GON4L: variants seen among roughly 807,000 people sequenced by gnomAD.
The protein encoded by GON4L is GON-4-like protein.
GON4L carries 87 observed loss-of-function variants against 211.8 expected under a neutral mutation model. The ratio of observed to expected loss-of-function variants is 0.41; its 90% confidence interval spans 0.35 to 0.49. The LOEUF (loss-of-function observed/expected upper bound fraction) is 0.49. GON4L is among the 20% of genes least tolerant of loss of function. The probability of loss-of-function intolerance (pLI) is 0.15; values close to 1 mark genes in which losing one functional copy is unlikely to be tolerated. For synonymous variants in GON4L, 875 were observed against 962.6 expected, an observed-to-expected ratio of 0.91 and a Z score of 1.68; for missense variants, 2,155 against 2,659.5, an observed-to-expected ratio of 0.81 and a Z score of 4.17.
chr1:155,831,154 C>A (rs866543291), intron 2 of GON4L, among the ~76,000 whole-genome samples: 1 of 151,986 alleles, frequency 6.6e-6, no homozygotes, highest in Non-Finnish European at 1.5e-5. Context: ...CAAAAATTAG[C>A]CAGGCATGGT....
downstream of GON4L, chr1:155,746,969 A>C (rs746911433): frequency 4.7e-5 from 75 of 1,600,596 alleles, 2 homozygotes; most frequent in Middle Eastern, 1.6e-4. Context: ...TAAATGTCTT[A>C]GAATGATATT....
In GON4L at chr1:155,750,280, T is replaced by C. The variant is rs1660438707; in HGVS notation, c.*304A>G. ...TTTTTACATTTAGAAACACTGTGAT[T>C]AGACCACAGAACAATAAATATGTGC... On this transcript the variant is annotated 3_prime_UTR_variant, in exon 32 of 32. Transcript: ENST00000368331. 1.7e-6 allele frequency: 1 copy of C among 585,734 alleles called. No homozygotes were observed. Among genetic ancestry groups the C allele is most frequent in the Admixed American group, 3.0e-5 (1 of 33,336 alleles). 36.3% of individuals were successfully genotyped at this position (585,734 alleles called of 1,614,324 possible).
chr1:155,827,077 A>T, intron 2 of GON4L, 49 bp from the exon 3 acceptor site: 2 of 1,340,342 alleles, frequency 1.5e-6, no homozygotes, highest in Non-Finnish European at 2.2e-6. Context: ...TCTCAGTCAT[A>T]CTCTGTTGTA....
At chr1:155,842,983 C>T (rs547175214) in intron 2 of GON4L, among the ~76,000 whole-genome samples, 4 of 152,252 alleles carry the variant, frequency 2.6e-5, no homozygotes, top group Admixed American at 6.5e-5. Flanking sequence ...ACACCTGTCC[C>T]GGATTAAACA....
At chr1:155,832,843 G>A (rs1395037771) in intron 2 of GON4L, 1 of 151,642 alleles carries the variant, frequency 6.6e-6, no homozygotes, top group Non-Finnish European at 1.5e-5. Context: ...AAACAGCAGG[G>A]CTACGGGTGA....
Position 155,853,332 on chromosome 1 carries a change from A to C in GON4L, c.449T>G (p.Leu150Arg). The C allele has an allele frequency of 6.2e-7, 1 of 1,614,090 alleles. No individual in the cohort carries two copies. The highest frequency in any genetic ancestry group is 1.1e-5 in the South Asian group (1 of 91,086). The change falls in exon 2 of 32, where the codon CTT becomes CGT. Residue 150 changes from leucine to arginine, a missense_variant. Physicochemically the swap from Leu to Arg is moderately radical, Grantham distance 102. This residue lies in a region of GON4L where 313 missense variants were observed against 293.2 expected (regional missense o/e 1.07). Coordinates refer to ENST00000368331, the MANE Select transcript of GON4L (RefSeq NM_001282860.2). ...PVTQEDRCDH[L>R]TLKEPFSGEP... The stretch of plus-strand genomic sequence containing the variant: ...TCCTGAAAAAGGCTCCTTTAGGGTA[A>C]GATGATCACATCTGTCTTCTTGGGT...
At chr1:155,747,857 A>T (rs1324640274), downstream of GON4L, 3 of 1,593,782 alleles carry the variant, frequency 1.9e-6, no homozygotes, top group South Asian at 2.3e-5. Context: ...GGCGGGGAAT[A>T]ATAACTTGGG....
At chr1:155,816,982 A>G (rs1186584487) in intron 6 of GON4L, among the ~76,000 whole-genome samples, 1 of 152,048 alleles carries the variant, frequency 6.6e-6, no homozygotes, top group African/African-American at 2.4e-5. Context: ...GCTAGGGGGA[A>G]AGTTTTTCTT....
Position 155,816,099 on chromosome 1 carries a change from A to C in GON4L, c.1065+113T>G, listed in dbSNP as rs1477420656. ...AAGAGTAATAGAATGGAAAAAAACA[A>C]AGCTGGAATTAAAACAAAGATTGAT... On this transcript the variant is annotated intron_variant, in intron 7 of 31. Transcript: ENST00000368331. 4 of 710,638 alleles carry C rather than the reference A, an allele frequency of 5.6e-6. No individual in the cohort carries two copies. In the East Asian group the frequency reaches 1.1e-4, roughly 19 times the overall value. The allele number at this position is 710,638 out of a possible 1,614,324, so 44.0% of individuals were successfully genotyped here.
chr1:155,756,896 T>C (rs755225719), intron 27 of GON4L, 62 bp downstream of exon 27: 61 of 1,308,546 alleles, frequency 4.7e-5, no homozygotes, highest in Non-Finnish European at 6.4e-5. Flanking sequence ...GCCACTGCAC[T>C]CTAGTTTGGG....
intron 23 of GON4L, 79 bp from the exon 24 acceptor site, chr1:155,760,720 G>A (rs553106097): frequency 1.1e-6 from 1 of 947,668 alleles, no homozygotes; most frequent in African/African-American, 1.6e-5. Flanking sequence ...GAGAAGGCAG[G>A]GTTATGGTTA....
chr1:155,801,300 T>C (rs1666638827), intron 11 of GON4L, among the ~76,000 whole-genome samples: 2 of 152,076 alleles, frequency 1.3e-5, no homozygotes, highest in African/African-American at 2.4e-5. Context: ...ATAGTTTTCA[T>C]CAGATTGTCA....
intron 25 of GON4L, 65 bp from the exon 26 acceptor site, chr1:155,757,388 A>G (rs1040400058): frequency 1.5e-6 from 2 of 1,375,588 alleles, no homozygotes; most frequent in African/African-American, 2.9e-5. Flanking sequence ...CTTCCCAATC[A>G]ATCCCACATA....
chr1:155,814,003 T>A (rs1171361398), intron 9 of GON4L, among the ~76,000 whole-genome samples, 199 bp from the exon 10 acceptor site: 3 of 152,208 alleles, frequency 2.0e-5, no homozygotes, highest in Non-Finnish European at 1.5e-5. Context: ...TCTAGAGAAG[T>A]CAACAGAATG....
At chr1:155,752,966 A>C (rs1399154455) in intron 29 of GON4L, among the ~76,000 whole-genome samples, 1 of 152,198 alleles carries the variant, frequency 6.6e-6, no homozygotes, top group Admixed American at 6.5e-5. Flanking sequence ...TTTTGGAATA[A>C]AACACAAGAC....
intron 28 of GON4L, among the ~76,000 whole-genome samples, 197 bp from the exon 29 acceptor site, chr1:155,753,611 G>A (rs1264109681): frequency 6.6e-6 from 1 of 152,168 alleles, no homozygotes; most frequent in East Asian, 1.9e-4. Context: ...AGGCTAAGGT[G>A]TGAGCATCAC....
intron 12 of GON4L, among the ~76,000 whole-genome samples, chr1:155,786,099 A>AAACAACAAC (rs10656171): frequency 6.7e-5 from 10 of 148,994 alleles, no homozygotes; most frequent in South Asian, 2.2e-4. Context: ...CTGTCTCAAA[A>AAACAACAAC]AACAACAACA....
chr1:155,764,713 A>G, intron 21 of GON4L: 1 of 871,714 alleles, frequency 1.1e-6, no homozygotes, highest in East Asian at 2.7e-5. Context: ...TGCTGGGACT[A>G]CAGGAGTGAG....
intron 18 of GON4L, among the ~76,000 whole-genome samples, chr1:155,772,397 G>A (rs1233215902): frequency 2.0e-5 from 3 of 151,930 alleles, no homozygotes; most frequent in Non-Finnish European, 2.9e-5. Context: ...ATATATGATC[G>A]TGGTTACATA....
Sources: allele counts gnomAD v4.1 joint callset (sites outside exome capture counted in the v4.1 genomes callset), GRCh38; gene constraint gnomAD v4.1.1; regional missense constraint gnomAD v4.1.1; transcripts MANE v1.5; gene names NCBI Gene and HGNC (gene_info 2026-07-23, HGNC 2026-07-21).